The following DLEU7 variants were observed in gnomAD, a reference collection of about 807,000 sequenced individuals.
DLEU7 encodes the protein deleted in lymphocytic leukemia 7, also known as leukemia-associated protein 7.
In DLEU7, 17 loss-of-function variants were observed where a neutral mutation model predicts 16.0. The observed-to-expected ratio is 1.06, with a 90% CI of 0.73 to 1.59. The LOEUF (loss-of-function observed/expected upper bound fraction) is 1.59, where lower values mean the gene tolerates loss of function less well. Ranked by LOEUF, DLEU7 falls within the 40% of genes most tolerant of loss-of-function variation. DLEU7 has a pLI of 0.00. For missense variants in DLEU7, 308 were observed against 314.9 expected (o/e 0.98, Z 0.17); for synonymous variants, 113 against 139.8 (o/e 0.81, Z 1.35).
intron 1 of DLEU7, among the ~76,000 whole-genome samples, chr13:50,723,706 A>C (rs1287766172): frequency 1.3e-5 from 2 of 152,092 alleles, no homozygotes; most frequent in African/African-American, 4.8e-5. Flanking sequence ...CCCACCCTCA[A>C]AACCTCGTCT....
chr13:50,721,055 A>G (rs1436540991), intron 1 of DLEU7, among the ~76,000 whole-genome samples: 1 of 152,216 alleles, frequency 6.6e-6, no homozygotes, highest in African/African-American at 2.4e-5. Flanking sequence ...CCCAGCTGCA[A>G]TGTGAGTGGG....
At chr13:50,724,790 A>G (rs1173041983) in intron 1 of DLEU7, among the ~76,000 whole-genome samples, 1 of 152,186 alleles carries the variant, frequency 6.6e-6, no homozygotes, top group African/African-American at 2.4e-5. Flanking sequence ...CAGGAGCCCA[A>G]ACTGCAGGAG....
intron 1 of DLEU7, among the ~76,000 whole-genome samples, chr13:50,763,498 G>C (rs551152155): frequency 6.6e-6 from 1 of 152,240 alleles, no homozygotes; most frequent in South Asian, 2.1e-4. Context: ...AACATAGAAA[G>C]AAAAGTGCAA....
chr13:50,736,342 G>T (rs1228107434), intron 1 of DLEU7, among the ~76,000 whole-genome samples: 2 of 152,018 alleles, frequency 1.3e-5, no homozygotes, highest in Admixed American at 1.3e-4. Flanking sequence ...CAGACACTGG[G>T]GCCTACTTGA....
chr13:50,758,248 G>A (rs551228181), intron 1 of DLEU7, among the ~76,000 whole-genome samples: 124 of 152,114 alleles, frequency 8.2e-4, no homozygotes, highest in Admixed American at 2.5e-3. Context: ...TTGTGATTTG[G>A]AAGCTTATTG....
Position 50,843,158 on chromosome 13 carries a change from G to A in DLEU7, c.459+30C>T, listed in dbSNP as rs898874836. On this transcript the variant is annotated intron_variant, in intron 1 of 1. Coordinates refer to ENST00000504404, the MANE Select transcript of DLEU7 (RefSeq NM_001306135.2). This position sits in a 1 kb window ranked among gnomAD's most constrained non-coding sequence, Gnocchi z 5.7. Reference sequence around the variant, plus strand: ...TGGAGGATGGGAGGTTACCCTGCACGCCAGAGGGGATGGCGGGGGCCAGAC... The same window carrying A: ...TGGAGGATGGGAGGTTACCCTGCACACCAGAGGGGATGGCGGGGGCCAGAC... 5 of 1,573,798 alleles carry A rather than the reference G, an allele frequency of 3.2e-6. No individual in the cohort carries two copies. Among genetic ancestry groups the A allele is most frequent in the East Asian group, 4.9e-5 (2 of 40,616 alleles).
chr13:50,743,549 G>A (rs1014784489), intron 1 of DLEU7, among the ~76,000 whole-genome samples: 13 of 152,116 alleles, frequency 8.5e-5, no homozygotes, highest in African/African-American at 2.9e-4. Flanking sequence ...CTACCTTGCA[G>A]GATGTTTAAA....
At chr13:50,830,764 C>T (rs7988805) in intron 1 of DLEU7, among the ~76,000 whole-genome samples, 81,948 of 151,882 alleles carry the variant, frequency 0.54, 22,218 homozygotes, top group Middle Eastern at 0.57. Context: ...TGTATGTTAC[C>T]CCACATGGCA....
chr13:50,843,539 G>A lies in DLEU7; in HGVS notation c.108C>T (p.Ala36=), dbSNP rs971547261. 6.9e-7 allele frequency: 1 copy of A among 1,441,908 alleles called. No homozygotes were observed. The highest frequency in any genetic ancestry group is 9.0e-7 in the Non-Finnish European group (1 of 1,108,710). 89.3% of individuals were successfully genotyped at this position (1,441,908 alleles called of 1,614,324 possible). A position where few individuals can be genotyped will look rare whatever the true frequency, so the allele number is the denominator to read the frequency against. The stretch of plus-strand genomic sequence containing the variant: ...GGTCTGGGTCCCGCGGGTTCCCGGG[G>A]GCGACTGGACCGTCCCCCCAGCCCC... The part of the protein sequence containing the change: ...QEWGWGDGPV[A]PGNPRDPDHV... The change falls in exon 1 of 2, where the codon GCC becomes GCT. Residue 36 remains alanine, a synonymous_variant. Coordinates refer to ENST00000504404, the MANE Select transcript of DLEU7 (RefSeq NM_001306135.2). The surrounding 1 kb of genome is among the most constrained non-coding windows in gnomAD (Gnocchi z 5.7).
intron 1 of DLEU7, among the ~76,000 whole-genome samples, chr13:50,790,971 C>T (rs1293228924): frequency 2.0e-5 from 3 of 152,140 alleles, no homozygotes; most frequent in African/African-American, 4.8e-5. Context: ...GAAGGGGACA[C>T]GGCTACCTTC....
intron 1 of DLEU7, chr13:50,808,131 A>T (rs1876448109): frequency 6.6e-6 from 1 of 152,224 alleles, no homozygotes; most frequent in Non-Finnish European, 1.5e-5. Flanking sequence ...CCCAGTTCTT[A>T]TATGTGCATC....
chr13:50,831,979 T>A lies in DLEU7; in HGVS notation c.460-8459A>T, dbSNP rs1437908671. 4.6e-5 allele frequency among the ~76,000 whole-genome samples: 7 copies of A among 152,222 alleles called. No individual in the cohort carries two copies. In the East Asian group the frequency reaches 1.3e-3, roughly 29 times the overall value. ...CTTTTGTCTCTGCCAGGTTTTGGTA[T>A]CAGGATGATGCTGGCCTCATAAAAT... On this transcript the variant is annotated intron_variant, in intron 1 of 1. Coordinates refer to ENST00000504404, the MANE Select transcript of DLEU7 (RefSeq NM_001306135.2).
chr13:50,838,928 T>C (rs1238275733), intron 1 of DLEU7, among the ~76,000 whole-genome samples: 1 of 152,168 alleles, frequency 6.6e-6, no homozygotes, highest in Admixed American at 6.5e-5. Context: ...GGAAGGAAGC[T>C]CTTACTAGAA....
chr13:50,762,751 AAC>A (rs1213598114), intron 1 of DLEU7, among the ~76,000 whole-genome samples: 1 of 151,798 alleles, frequency 6.6e-6, no homozygotes, highest in Non-Finnish European at 1.5e-5. Context: ...AAACAACAAA[AAC>A]ACACTCTCAC....
At chr13:50,763,629 C>T (rs1319869972) in intron 1 of DLEU7, among the ~76,000 whole-genome samples, 1 of 152,154 alleles carries the variant, frequency 6.6e-6, no homozygotes, top group Non-Finnish European at 1.5e-5. Context: ...AAATAGAATT[C>T]ACCTCTGAAT....
intron 1 of DLEU7, among the ~76,000 whole-genome samples, chr13:50,842,199 T>A (rs1312891111): frequency 6.6e-6 from 1 of 152,194 alleles, no homozygotes; most frequent in Admixed American, 6.5e-5. Context: ...TTTAAATAAA[T>A]CTTTTACAGT....
chr13:50,816,188 G>T (rs1339466638), intron 1 of DLEU7, among the ~76,000 whole-genome samples: 1 of 151,768 alleles, frequency 6.6e-6, no homozygotes, highest in Non-Finnish European at 1.5e-5. Context: ...CATAAATAAA[G>T]TTAACAGAAT....
intron 1 of DLEU7, among the ~76,000 whole-genome samples, chr13:50,814,748 A>G (rs1224891172): frequency 1.0e-5 from 1 of 100,096 alleles, no homozygotes; most frequent in Admixed American, 9.3e-5. Context: ...CAGTTTTTAC[A>G]TGTATTCATG....
At chr13:50,816,985 T>C (rs1390057249) in intron 1 of DLEU7, among the ~76,000 whole-genome samples, 1 of 152,138 alleles carries the variant, frequency 6.6e-6, no homozygotes, top group Non-Finnish European at 1.5e-5. Flanking sequence ...GGCAGGGGTC[T>C]TTGCAGAACC....
Sources: allele counts gnomAD v4.1 joint callset (sites outside exome capture counted in the v4.1 genomes callset), GRCh38; gene constraint gnomAD v4.1.1; non-coding constraint Gnocchi (gnomAD v3.1); transcripts MANE v1.5; gene names NCBI Gene and HGNC (gene_info 2026-07-23, HGNC 2026-07-21).